SH3BP5: variants seen among roughly 807,000 people sequenced by gnomAD.
SH3BP5 encodes SH3 domain binding protein 5.
In SH3BP5, 22 loss-of-function variants were observed where a neutral mutation model predicts 43.3. The observed-to-expected ratio is 0.51, with a 90% CI of 0.36 to 0.73. The LOEUF is 0.73. SH3BP5 is among the 30% of genes least tolerant of loss of function. The pLI is 0.00. For synonymous variants in SH3BP5, 255 were observed against 225.8 expected (o/e 1.13, Z -1.16); for missense variants, 529 against 586.9 (o/e 0.90, Z 1.02).
rs57131307 is a variant in SH3BP5 at position 15,254,575 on chromosome 3, C to CCTGA, written c.*1510_*1511insTCAG. 6.6e-6 allele frequency: 1 copy of CCTGA among 151,940 alleles called. No individual in the cohort carries two copies. The highest frequency in any genetic ancestry group is 2.4e-5 in the African/African-American group (1 of 41,220). 9.4% of individuals were successfully genotyped at this position (151,940 alleles called of 1,614,324 possible). On this transcript the variant is annotated 3_prime_UTR_variant, in exon 9 of 9. Transcript: ENST00000383791. ...CTGACTGACAGCAACACTTAAGCTT[C>CCTGA]GAGACTGCAGTGTGCAGCCGAGGCC...
chr3:15,313,567 T>G (rs1485742959), intron 2 of SH3BP5, among the ~76,000 whole-genome samples: 1 of 152,240 alleles, frequency 6.6e-6, no homozygotes, highest in Non-Finnish European at 1.5e-5. Flanking sequence ...AAATCATGCT[T>G]TCTTTTCACC....
At chr3:15,308,521 A>G (rs957239968) in intron 2 of SH3BP5, among the ~76,000 whole-genome samples, 1 of 152,170 alleles carries the variant, frequency 6.6e-6, no homozygotes, top group Non-Finnish European at 1.5e-5. Context: ...CCCAAGTCAG[A>G]CATGAAGAAA....
chr3:15,282,003 G>A (rs909730387), intron 3 of SH3BP5, among the ~76,000 whole-genome samples: 3 of 151,918 alleles, frequency 2.0e-5, no homozygotes, highest in East Asian at 3.9e-4. Flanking sequence ...AGCGAAACAC[G>A]GTCCCCTCCC....
upstream of SH3BP5, among the ~76,000 whole-genome samples, chr3:15,336,438 G>A (rs951665302): frequency 5.9e-5 from 9 of 152,136 alleles, no homozygotes; most frequent in Admixed American, 3.9e-4. Flanking sequence ...AAATTGACTC[G>A]GTGGACATTG....
chr3:15,306,983 T>A (rs1180670491), intron 2 of SH3BP5, among the ~76,000 whole-genome samples: 1 of 152,160 alleles, frequency 6.6e-6, no homozygotes, highest in Non-Finnish European at 1.5e-5. Context: ...GACATTTTAT[T>A]TCTAAACATG....
rs565748487 is a variant in SH3BP5, at chr3:15,282,915, A to G, written c.331-13038T>C. 1.2e-3 allele frequency among the ~76,000 whole-genome samples: 188 copies of G among 152,270 alleles called. 1 individual carries two copies. Among genetic ancestry groups the G allele is most frequent in the Non-Finnish European group, 2.0e-3 (139 of 68,036 alleles). ...CACTGATTATTCTACTTTTGCAGAA[A>G]TTCCATAATAAAAAGTTGTAAAGAA... is the stretch of plus-strand genomic sequence containing the variant. On this transcript the variant is annotated intron_variant, in intron 3 of 8. Coordinates refer to ENST00000383791, the MANE Select transcript of SH3BP5 (RefSeq NM_004844.5).
intron 3 of SH3BP5, among the ~76,000 whole-genome samples, chr3:15,295,061 C>T (rs1697531337): frequency 6.6e-6 from 1 of 152,114 alleles, no homozygotes; most frequent in Non-Finnish European, 1.5e-5. Flanking sequence ...CCCCTCAAGC[C>T]TTCCTGATGG....
Position 15,269,713 on chromosome 3 carries a change from C to A in SH3BP5, c.495G>T (p.Arg165Ser). ...CAGCACACCCGGCCATGACTCATAC[C>A]CTCTGAGTGGCGTGATTCAGCATCT... ...WQEMLNHATQ[R>S]VMEAEQTKTR... Residue 165 changes from arginine to serine, a missense_variant and splice_region_variant, in exon 4 of 9, where the codon AGG becomes AGT. Around this residue, in one of 3 missense-constraint regions of SH3BP5, gnomAD observed 369 missense variants for 384.3 expected, o/e 0.96. Transcript: ENST00000383791. The A allele has an allele frequency of 6.3e-7, 1 of 1,591,354 alleles. No homozygotes were observed. Among genetic ancestry groups the A allele is most frequent in the Non-Finnish European group, 8.6e-7 (1 of 1,166,638 alleles).
At chr3:15,303,914 C>A (rs1482149712) in intron 3 of SH3BP5, among the ~76,000 whole-genome samples, 189 bp downstream of exon 3, 2 of 152,138 alleles carry the variant, frequency 1.3e-5, no homozygotes, top group Non-Finnish European at 2.9e-5. Context: ...CATCCAAATG[C>A]CAGCACTCAC....
At chr3:15,331,212 T>A (rs1038351034) in intron 1 of SH3BP5, among the ~76,000 whole-genome samples, 1 of 152,238 alleles carries the variant, frequency 6.6e-6, no homozygotes, top group Non-Finnish European at 1.5e-5. Context: ...CCCATACCAG[T>A]AACACACGAT....
chr3:15,261,479 C>T (rs1696434659), intron 5 of SH3BP5, among the ~76,000 whole-genome samples: 1 of 152,210 alleles, frequency 6.6e-6, no homozygotes, highest in African/African-American at 2.4e-5. Flanking sequence ...GCTGTGACCA[C>T]ACCTGGAGAA....
At position 15,296,800 on chromosome 3, in the gene SH3BP5, C is replaced by T. The variant is rs560902407; in HGVS notation, c.330+7303G>A. Among the ~76,000 whole-genome samples, 60 of 148,538 alleles carry T rather than the reference C, an allele frequency of 4.0e-4. 1 individual carries two copies. Among genetic ancestry groups the T allele is most frequent in the African/African-American group, 1.4e-3 (56 of 39,904 alleles). On this transcript the variant is annotated intron_variant, in intron 3 of 8. Coordinates refer to ENST00000383791, the MANE Select transcript of SH3BP5 (RefSeq NM_004844.5). Reference sequence around the variant, plus strand: ...CCTTGACTTCTCAGGCTCACGCAATCCTTCTACCTCAGCCTCCTAAGTAGC... The same window carrying T: ...CCTTGACTTCTCAGGCTCACGCAATTCTTCTACCTCAGCCTCCTAAGTAGC...
chr3:15,318,779 C>T (rs1208134621), intron 2 of SH3BP5, among the ~76,000 whole-genome samples: 1 of 152,174 alleles, frequency 6.6e-6, no homozygotes. Flanking sequence ...GCCATGTTAG[C>T]CAAGCTGGTC....
chr3:15,339,982 T>C (rs1407440813), intron 1 of SH3BP5: 1 of 152,102 alleles, frequency 6.6e-6, no homozygotes, highest in Non-Finnish European at 1.5e-5. Context: ...CAGACACTAT[T>C]CTAGAATGGG....
At chr3:15,256,387 A>C (rs1172293551) in intron 8 of SH3BP5, 84 bp from the exon 9 acceptor site, 1 of 1,411,966 alleles carries the variant, frequency 7.1e-7, no homozygotes, top group East Asian at 2.3e-5. Flanking sequence ...ATCAAAAGTG[A>C]GTATTGACAA....
At chr3:15,296,341 T>TATACACACACACACACACAC (rs1553616951) in intron 3 of SH3BP5, among the ~76,000 whole-genome samples, 1 of 146,160 alleles carries the variant, frequency 6.8e-6, no homozygotes, top group African/African-American at 2.5e-5. Flanking sequence ...GGAAATCATA[T>TATACACACACACACACACAC]ACACACACAC....
Position 15,256,124 on chromosome 3 carries a change from C to T in SH3BP5, c.1330G>A (p.Gly444Arg), listed in dbSNP as rs1696185566. Residue 444 changes from glycine to arginine, a missense_variant, in exon 9 of 9, where the codon GGA becomes AGA. Physicochemically the swap from Gly to Arg is moderately radical, Grantham distance 125. Coordinates refer to ENST00000383791, the MANE Select transcript of SH3BP5 (RefSeq NM_004844.5). ...ACCATTTTTATGTCAGCAATAATTCCATCTCTTCCCTTTGAGCACTGTAGG... is the reference window on the plus strand; with the variant it reads ...ACCATTTTTATGTCAGCAATAATTCTATCTCTTCCCTTTGAGCACTGTAGG... ...LSLQCSKGRD[G>R]IIADIKMVQI... 6.2e-7 allele frequency: 1 copy of T among 1,614,078 alleles called. No homozygotes were observed. Among genetic ancestry groups the T allele is most frequent in the Admixed American group, 1.7e-5 (1 of 60,016 alleles).
At chr3:15,299,294 C>A (rs1697662855) in intron 3 of SH3BP5, among the ~76,000 whole-genome samples, 1 of 152,140 alleles carries the variant, frequency 6.6e-6, no homozygotes, top group South Asian at 2.1e-4. Flanking sequence ...AAAGCCAGTG[C>A]CCTGCCCCCA....
At chr3:15,318,465 C>A (rs142014932) in intron 2 of SH3BP5, among the ~76,000 whole-genome samples, 1 of 150,278 alleles carries the variant, frequency 6.7e-6, no homozygotes, top group Non-Finnish European at 1.5e-5. Context: ...CAGCTCTGAG[C>A]TCCAAAGCCC....
Sources: gnomAD v4.1 joint callset for allele counts (sites outside exome capture counted in the v4.1 genomes callset) on GRCh38, gnomAD v4.1.1 for gene constraint, gnomAD v4.1.1 regional missense constraint, MANE v1.5 for transcripts, NCBI Gene and HGNC (gene_info 2026-07-23, HGNC 2026-07-21) for gene names.